The following CCDC7 variants were observed in gnomAD, a reference collection of about 807,000 sequenced individuals.
CCDC7 encodes coiled-coil domain containing 7, also known as coiled-coil domain-containing protein 7.
A neutral mutation model predicts 196.9 loss-of-function variants in CCDC7; 183 were observed. The ratio of observed to expected loss-of-function variants is 0.93; its 90% CI spans 0.82 to 1.05. The LOEUF (loss-of-function observed/expected upper bound fraction) is 1.05, where lower values mean the gene tolerates loss of function less well. Among genes scored for constraint, CCDC7 ranks in the 50% least tolerant of loss-of-function variants. CCDC7 has a pLI of 0.00. For missense variants in CCDC7, 1,540 were observed against 1,482.2 expected (o/e 1.04, Z -0.64); for synonymous variants, 525 against 484.6 (o/e 1.08, Z -1.10).
At chr10:32,801,585 T>G (rs1421664678) in intron 29 of CCDC7, among the ~76,000 whole-genome samples, 1 of 152,172 alleles carries the variant, frequency 6.6e-6, no homozygotes, top group African/African-American at 2.4e-5. Context: ...CTCAAGCAGT[T>G]CTTTTGGAGT....
intron 13 of CCDC7, among the ~76,000 whole-genome samples, chr10:32,545,811 C>T (rs552664406): frequency 6.7e-6 from 1 of 148,156 alleles, no homozygotes; most frequent in African/African-American, 2.5e-5. Flanking sequence ...GAGACTGAGG[C>T]AGAAGACTGG....
chr10:32,595,713 A>G (rs1424038061), intron 18 of CCDC7, among the ~76,000 whole-genome samples: 3 of 152,150 alleles, frequency 2.0e-5, no homozygotes, highest in South Asian at 4.1e-4. Flanking sequence ...CACTGCTTTG[A>G]ATGTGTCCCA....
intron 24 of CCDC7, among the ~76,000 whole-genome samples, chr10:32,701,404 C>T (rs1012225184): frequency 1.3e-5 from 2 of 152,170 alleles, no homozygotes; most frequent in African/African-American, 4.8e-5. Flanking sequence ...TGATGTGCTG[C>T]TGGATTCAGT....
intron 9 of CCDC7, among the ~76,000 whole-genome samples, chr10:32,507,786 C>T (rs1217040355): frequency 6.6e-6 from 1 of 152,146 alleles, no homozygotes; most frequent in East Asian, 1.9e-4. Flanking sequence ...ATCATATGAT[C>T]ATTTCAATAG....
At chr10:32,574,382 C>T in intron 16 of CCDC7, 1 of 1,482,976 alleles carries the variant, frequency 6.7e-7, no homozygotes, top group Non-Finnish European at 9.0e-7. Flanking sequence ...CTATTAAGCA[C>T]ATGGCACAAT....
chr10:32,477,214 A>ATTT (rs34848583), intron 8 of CCDC7, among the ~76,000 whole-genome samples: 1 of 147,648 alleles, frequency 6.8e-6, no homozygotes. Context: ...TTTTGAGTTA[A>ATTT]TTTTTTTTTT....
In CCDC7 at chr10:32,591,682, G is replaced by A. The variant is rs77189627; in HGVS notation, c.1801+7378G>A. 8.4e-3 allele frequency among the ~76,000 whole-genome samples: 1,278 copies of A among 152,204 alleles called. 27 individuals are homozygous for A. Among genetic ancestry groups the A allele is most frequent in the African/African-American group, 0.028 (1,177 of 41,556 alleles). ...ATCACCTTCACTAAAAGGCAGAGGA[G>A]TCTCACCAGCACCACCACAGGCCCA... On this transcript the variant is annotated intron_variant, in intron 18 of 41. Transcript: ENST00000639629.
chr10:32,778,148 G>A (rs557574228), intron 28 of CCDC7, among the ~76,000 whole-genome samples: 7 of 152,214 alleles, frequency 4.6e-5, no homozygotes, highest in South Asian at 4.1e-4. Flanking sequence ...TGTCTAATCC[G>A]TTGATAGTTC....
intron 18 of CCDC7, among the ~76,000 whole-genome samples, chr10:32,610,884 T>C (rs529613558): frequency 2.4e-4 from 37 of 152,316 alleles, no homozygotes; most frequent in African/African-American, 8.7e-4. Flanking sequence ...AATAAACATA[T>C]GTGTGCATGC....
chr10:32,877,667 G>T (rs1373520579), downstream of CCDC7, among the ~76,000 whole-genome samples: 1 of 152,100 alleles, frequency 6.6e-6, no homozygotes, highest in Non-Finnish European at 1.5e-5. Context: ...CATGGAGGAA[G>T]TTTTATTTTC....
intron 21 of CCDC7, among the ~76,000 whole-genome samples, chr10:32,676,021 T>TGGTAC (rs1254330919): frequency 6.6e-6 from 1 of 151,748 alleles, no homozygotes; most frequent in Non-Finnish European, 1.5e-5. Context: ...AGCATGGTAC[T>TGGTAC]GGTACCAAAA....
At chr10:32,695,400 A>G (rs1372160983) in intron 24 of CCDC7, among the ~76,000 whole-genome samples, 2 of 152,230 alleles carry the variant, frequency 1.3e-5, no homozygotes, top group African/African-American at 4.8e-5. Flanking sequence ...TGTATCAGAG[A>G]AGGCCAAGGG....
At chr10:32,621,880 T>A (rs1049468746) in intron 18 of CCDC7, among the ~76,000 whole-genome samples, 3 of 152,168 alleles carry the variant, frequency 2.0e-5, no homozygotes, top group Admixed American at 1.3e-4. Flanking sequence ...CTGATTCAGA[T>A]GCTTATATTT....
chr10:32,807,087 A>G (rs2085994478), intron 30 of CCDC7, among the ~76,000 whole-genome samples: 1 of 152,168 alleles, frequency 6.6e-6, no homozygotes, highest in Non-Finnish European at 1.5e-5. Context: ...AAATTAGAAA[A>G]TTTATTCCTA....
At chr10:32,864,163 A>C (rs1337002079) in intron 41 of CCDC7, among the ~76,000 whole-genome samples, 1 of 151,886 alleles carries the variant, frequency 6.6e-6, no homozygotes, top group Non-Finnish European at 1.5e-5. Context: ...AGTAATCCTT[A>C]GGGAAATGCA....
At chr10:32,495,854 A>C (rs1480804852) in intron 9 of CCDC7, among the ~76,000 whole-genome samples, 4 of 152,170 alleles carry the variant, frequency 2.6e-5, no homozygotes, top group African/African-American at 7.2e-5. Flanking sequence ...CTTTTTGCTT[A>C]GGATTATCTT....
intron 30 of CCDC7, among the ~76,000 whole-genome samples, chr10:32,807,054 G>T (rs2085989023): frequency 6.6e-6 from 1 of 152,212 alleles, no homozygotes; most frequent in Non-Finnish European, 1.5e-5. Context: ...GTGAAATGAA[G>T]ATATTTCTAA....
At chr10:32,845,848 T>C in intron 35 of CCDC7, 28 bp from the exon 37 acceptor site, 1 of 1,518,280 alleles carries the variant, frequency 6.6e-7, no homozygotes. Context: ...CCTTATAAAA[T>C]ATATTGAAAT....
intron 3 of CCDC7, among the ~76,000 whole-genome samples, chr10:32,461,629 C>G (rs943350157): frequency 6.8e-6 from 1 of 147,590 alleles, no homozygotes; most frequent in African/African-American, 2.5e-5. Flanking sequence ...ATTGTACTTG[C>G]TGCTGTATGA....
Sources: allele counts gnomAD v4.1 joint callset (sites outside exome capture counted in the v4.1 genomes callset), GRCh38; gene constraint gnomAD v4.1.1; transcripts MANE v1.5; gene names NCBI Gene and HGNC (gene_info 2026-07-23, HGNC 2026-07-21).